AUTS2: variants seen among roughly 807,000 people sequenced by gnomAD.
The protein encoded by AUTS2 is autism susceptibility gene 2 protein.
Under a neutral mutation model 112.4 loss-of-function variants are expected in AUTS2, and 17 were observed. The observed-to-expected ratio is 0.15, with a 90% CI of 0.10 to 0.23. AUTS2 has a LOEUF of 0.23. Ranked by LOEUF, AUTS2 falls within the 10% of genes least tolerant of loss-of-function variation. AUTS2 has a pLI of 1.00. For missense variants in AUTS2, 1,510 were observed against 1,701.6 expected, an observed-to-expected ratio of 0.89 and a Z score of 1.98; for synonymous variants, 751 against 702.7, an observed-to-expected ratio of 1.07 and a Z score of -1.09.
intron 4 of AUTS2, among the ~76,000 whole-genome samples, chr7:70,324,107 G>A (rs1437313123): frequency 6.6e-6 from 1 of 152,142 alleles, no homozygotes; most frequent in Non-Finnish European, 1.5e-5. Context: ...GGAGAACCTT[G>A]GCGTCATCAG....
At chr7:70,035,807 C>T (rs915546428) in intron 2 of AUTS2, among the ~76,000 whole-genome samples, 2 of 152,154 alleles carry the variant, frequency 1.3e-5, no homozygotes, top group Non-Finnish European at 1.5e-5. Context: ...TAATCTCTGA[C>T]ACCTTTCTAC....
intron 5 of AUTS2, among the ~76,000 whole-genome samples, chr7:70,616,980 A>G (rs1357807669): frequency 1.3e-5 from 2 of 152,170 alleles, no homozygotes; most frequent in East Asian, 1.9e-4. Flanking sequence ...GTCATGGGCT[A>G]TGTATCACTT....
At chr7:69,626,389 G>T (rs1208176184) in intron 1 of AUTS2, among the ~76,000 whole-genome samples, 1 of 151,614 alleles carries the variant, frequency 6.6e-6, no homozygotes, top group Non-Finnish European at 1.5e-5. Flanking sequence ...CTTAAACCCC[G>T]CCTGGTTGCC....
intron 1 of AUTS2, among the ~76,000 whole-genome samples, chr7:69,777,914 C>G (rs1349600791): frequency 1.3e-5 from 2 of 152,016 alleles, no homozygotes; most frequent in Admixed American, 1.3e-4. Context: ...TGTCTTCTTT[C>G]TTGTTTGTGG....
chr7:70,396,690 A>G (rs1011637550), intron 4 of AUTS2, among the ~76,000 whole-genome samples: 2 of 152,176 alleles, frequency 1.3e-5, no homozygotes, highest in South Asian at 2.1e-4. Context: ...TTTGAGATTC[A>G]TCTATATGGC....
chr7:70,677,306 T>A (rs562402016), intron 5 of AUTS2, among the ~76,000 whole-genome samples: 51 of 152,304 alleles, frequency 3.3e-4, no homozygotes, highest in African/African-American at 1.2e-3. Flanking sequence ...ATCCGAGCTC[T>A]CTTTCTGATG....
At chr7:70,783,196 A>C (rs901638696) in intron 15 of AUTS2, 25 of 152,214 alleles carry the variant, frequency 1.6e-4, no homozygotes, top group Admixed American at 1.4e-3. Context: ...TGTGGCCAAA[A>C]TTTTATTTAG....
intron 1 of AUTS2, among the ~76,000 whole-genome samples, chr7:69,659,876 T>C (rs1012675470): frequency 2.6e-5 from 4 of 152,232 alleles, no homozygotes; most frequent in African/African-American, 9.6e-5. Flanking sequence ...TAACCTGTTA[T>C]TTTGTACATC....
At chr7:69,766,044 A>G (rs916974891) in intron 1 of AUTS2, among the ~76,000 whole-genome samples, 4 of 152,216 alleles carry the variant, frequency 2.6e-5, no homozygotes, top group African/African-American at 9.6e-5. Flanking sequence ...TGTGCAACCA[A>G]TCTCCAGAAC....
At chr7:70,339,702 C>T (rs968198781) in intron 4 of AUTS2, among the ~76,000 whole-genome samples, 11 of 152,126 alleles carry the variant, frequency 7.2e-5, no homozygotes, top group Non-Finnish European at 1.5e-5. Flanking sequence ...ATACTGAGAG[C>T]AACATGTTTG....
intron 4 of AUTS2, among the ~76,000 whole-genome samples, chr7:70,163,613 C>T (rs537586269): frequency 1.2e-4 from 18 of 152,142 alleles, no homozygotes; most frequent in Admixed American, 9.2e-4. Context: ...GGGCAAACGT[C>T]GTTTGCAGTT....
rs1795203580 is a variant in AUTS2, at chr7:69,907,746, CAT to C, written c.522+8251_522+8252del. Among the ~76,000 whole-genome samples the C allele has an allele frequency of 2.6e-5, 4 of 152,170 alleles. No homozygotes were observed. The South Asian group carries it at 8.3e-4, about 32-fold the overall frequency. On this transcript the variant is annotated intron_variant, in intron 2 of 18. Transcript: ENST00000342771. ...TAACTTTGTTTCTTGTAAACATTTTCATATGATACAACTCTGTTAAAGGCAGT... is the reference window on the plus strand; with the variant it reads ...TAACTTTGTTTCTTGTAAACATTTTCATGATACAACTCTGTTAAAGGCAGT...
At chr7:70,601,646 T>A (rs1315062722) in intron 5 of AUTS2, among the ~76,000 whole-genome samples, 1 of 152,088 alleles carries the variant, frequency 6.6e-6, no homozygotes. Context: ...TGCAGACTGC[T>A]GGAGAAGACT....
chr7:70,763,794 A>T (rs1278996545), intron 7 of AUTS2, among the ~76,000 whole-genome samples: 2 of 152,162 alleles, frequency 1.3e-5, no homozygotes, highest in African/African-American at 4.8e-5. Flanking sequence ...TTGGGACCTG[A>T]TGAGTATTCC....
intron 1 of AUTS2, among the ~76,000 whole-genome samples, chr7:69,758,303 A>T (rs1377257542): frequency 6.6e-6 from 1 of 152,202 alleles, no homozygotes; most frequent in East Asian, 1.9e-4. Flanking sequence ...GCTGCTGTTC[A>T]CAATAGATTT....
At chr7:70,465,021 T>C (rs1444806931) in intron 5 of AUTS2, among the ~76,000 whole-genome samples, 1 of 152,138 alleles carries the variant, frequency 6.6e-6, no homozygotes, top group Non-Finnish European at 1.5e-5. Context: ...TTCCCATTTT[T>C]AGAGAGAGGG....
At chr7:70,134,649 T>A in intron 4 of AUTS2, 78 bp downstream of exon 4, 1 of 1,325,040 alleles carries the variant, frequency 7.5e-7, no homozygotes, top group South Asian at 1.2e-5. Context: ...CATTGGGATA[T>A]GAAAAAAAAT....
At chr7:69,861,960 C>T (rs1479301344) in intron 1 of AUTS2, among the ~76,000 whole-genome samples, 1 of 152,120 alleles carries the variant, frequency 6.6e-6, no homozygotes, top group African/African-American at 2.4e-5. Flanking sequence ...TGCCTCATAA[C>T]CAAGTTTTTG....
chr7:70,139,977 G>A (rs890171366), intron 4 of AUTS2, among the ~76,000 whole-genome samples: 4 of 151,956 alleles, frequency 2.6e-5, no homozygotes, highest in African/African-American at 9.7e-5. Flanking sequence ...CTCCAGCCTG[G>A]GTGACAAGAG....
Sources: gnomAD v4.1 joint callset for allele counts (sites outside exome capture counted in the v4.1 genomes callset) on GRCh38, gnomAD v4.1.1 for gene constraint, MANE v1.5 for transcripts, NCBI Gene and HGNC (gene_info 2026-07-23, HGNC 2026-07-21) for gene names.